ACBD6: variants seen among roughly 807,000 people sequenced by gnomAD.
ACBD6 encodes acyl-CoA binding domain containing 6.
In ACBD6, 28 loss-of-function variants were observed where a neutral mutation model predicts 37.2. The observed-to-expected ratio is 0.75, with a 90% CI of 0.56 to 1.03. The LOEUF (loss-of-function observed/expected upper bound fraction) is 1.03, where lower values mean the gene tolerates loss of function less well. Ranked by LOEUF, ACBD6 falls within the 50% of genes least tolerant of loss-of-function variation. The pLI is 0.00. For missense variants in ACBD6, 340 were observed against 337.4 expected (o/e 1.01, Z -0.06); for synonymous variants, 113 against 126.8 (o/e 0.89, Z 0.73).
chr1:180,414,149 T>C (rs935952814), intron 4 of ACBD6, among the ~76,000 whole-genome samples: 1 of 152,214 alleles, frequency 6.6e-6, no homozygotes, highest in Admixed American at 6.5e-5. Context: ...GAATTATCTT[T>C]ATAACGCATG....
At chr1:180,341,955 A>G (rs984838456) in intron 6 of ACBD6, among the ~76,000 whole-genome samples, 12 of 152,028 alleles carry the variant, frequency 7.9e-5, no homozygotes, top group African/African-American at 2.9e-4. Context: ...GCTCTTTACA[A>G]TTACAAGCAT....
At chr1:180,365,516 T>G (rs1431262925) in intron 6 of ACBD6, among the ~76,000 whole-genome samples, 1 of 152,212 alleles carries the variant, frequency 6.6e-6, no homozygotes, top group African/African-American at 2.4e-5. Context: ...TTCAAATTTA[T>G]CAACATCCTT....
chr1:180,271,304 T>G, exon 14 of ACBD6: 3 of 1,515,940 alleles, frequency 2.0e-6, no homozygotes, highest in Non-Finnish European at 2.7e-6. Context: ...GCAGAAAGGA[T>G]GGAAGGGAGG....
At chr1:180,357,704 C>G (rs1414150955) in intron 6 of ACBD6, among the ~76,000 whole-genome samples, 7 of 152,214 alleles carry the variant, frequency 4.6e-5, no homozygotes, top group African/African-American at 1.7e-4. Flanking sequence ...TCCCTAGAAG[C>G]TGGAAGACCT....
chr1:180,494,730 T>C (rs1188379121), intron 2 of ACBD6, among the ~76,000 whole-genome samples: 1 of 152,182 alleles, frequency 6.6e-6, no homozygotes, highest in African/African-American at 2.4e-5. Context: ...TAACCTTAAT[T>C]CCAGGGCTGA....
At chr1:180,405,283 T>G (rs1420371374) in intron 5 of ACBD6, among the ~76,000 whole-genome samples, 1 of 144,290 alleles carries the variant, frequency 6.9e-6, no homozygotes, top group African/African-American at 2.6e-5. Context: ...ATTGTATTGT[T>G]AGGAGCCACA....
At chr1:180,417,206 A>T (rs1648135075) in intron 4 of ACBD6, among the ~76,000 whole-genome samples, 1 of 152,170 alleles carries the variant, frequency 6.6e-6, no homozygotes, top group Non-Finnish European at 1.5e-5. Context: ...CATCTTCTAG[A>T]TAAATGTATT....
intron 6 of ACBD6, among the ~76,000 whole-genome samples, chr1:180,351,573 C>G (rs938153167): frequency 2.1e-5 from 3 of 140,302 alleles, no homozygotes; most frequent in African/African-American, 8.0e-5. Context: ...GTGCCTGGCC[C>G]GATATTACGT....
At chr1:180,271,797 G>A (rs757218528) in exon 14 of ACBD6, 4 of 1,611,506 alleles carry the variant, frequency 2.5e-6, no homozygotes, top group Middle Eastern at 1.7e-4. Context: ...GTTTGTGGTG[G>A]ACGCCCCCTG....
At chr1:180,271,142 G>C (rs1648626188) in exon 14 of ACBD6, 1 of 580,216 alleles carries the variant, frequency 1.7e-6, no homozygotes, top group Non-Finnish European at 3.1e-6. Context: ...GGTTGAGGCA[G>C]GGAGCTGAGC....
At chr1:180,387,583 G>C (rs1319304580) in intron 6 of ACBD6, among the ~76,000 whole-genome samples, 2 of 152,148 alleles carry the variant, frequency 1.3e-5, no homozygotes, top group African/African-American at 4.8e-5. Context: ...GAAAGCTCAG[G>C]GTACTCATTC....
chr1:180,287,966 G>T (rs1390835595), downstream of ACBD6, among the ~76,000 whole-genome samples: 1 of 152,142 alleles, frequency 6.6e-6, no homozygotes, highest in Non-Finnish European at 1.5e-5. Context: ...TGCTACAAAA[G>T]ATAATTTGAT....
intron 3 of ACBD6, among the ~76,000 whole-genome samples, chr1:180,431,781 T>C (rs1356635966): frequency 1.3e-5 from 2 of 151,104 alleles, no homozygotes; most frequent in South Asian, 2.1e-4. Flanking sequence ...GGAAAAAAAA[T>C]AGAGATAGAA....
intron 5 of ACBD6, among the ~76,000 whole-genome samples, chr1:180,397,966 T>C (rs10798760): frequency 0.49 from 73,863 of 151,854 alleles, 20,797 homozygotes; most frequent in South Asian, 0.66. Flanking sequence ...GGCAGGAGAA[T>C]CGCTTGAACT....
At chr1:180,318,195 A>G (rs1163484338) in intron 6 of ACBD6, among the ~76,000 whole-genome samples, 2 of 143,966 alleles carry the variant, frequency 1.4e-5, no homozygotes, top group African/African-American at 4.9e-5. Flanking sequence ...AGAAAGAAAG[A>G]AAAAAAAGGA....
chr1:180,333,504 A>C (rs183053991), intron 6 of ACBD6, among the ~76,000 whole-genome samples: 2 of 152,352 alleles, frequency 1.3e-5, no homozygotes, highest in East Asian at 3.9e-4. Context: ...TAAATGATTC[A>C]TAGATTTATG....
chr1:180,498,582 G>A (rs986573599), intron 1 of ACBD6, among the ~76,000 whole-genome samples: 10 of 152,092 alleles, frequency 6.6e-5, no homozygotes, highest in East Asian at 1.9e-4. Flanking sequence ...ATTAAGGCAC[G>A]GTGGCTCATG....
chr1:180,366,677 G>A (rs150430300), intron 6 of ACBD6, among the ~76,000 whole-genome samples: 42 of 152,220 alleles, frequency 2.8e-4, no homozygotes, highest in African/African-American at 8.7e-4. Context: ...ATATAAAAAT[G>A]ACAGAGAAAT....
chr1:180,335,828 A>C lies in ACBD6; in HGVS notation c.664-21106T>G, dbSNP rs550557166. ...AGGGATGGAGGAAGATCTACCAAGC[A>C]AATGGAAAACAAAAAAAGGCAGGGG... On this transcript the variant is annotated intron_variant, in intron 6 of 7. Transcript: ENST00000367595. Among the ~76,000 whole-genome samples the C allele has an allele frequency of 7.0e-3, 1,011 of 145,268 alleles. 98 individuals are homozygous for C. The highest frequency in any genetic ancestry group is 0.047 in the Admixed American group (683 of 14,406).
Sources: allele counts gnomAD v4.1 joint callset (sites outside exome capture counted in the v4.1 genomes callset), GRCh38; gene constraint gnomAD v4.1.1; transcripts MANE v1.5; gene names NCBI Gene and HGNC (gene_info 2026-07-23, HGNC 2026-07-21).